Variants in ANKMY1 observed in about 807,000 individuals in gnomAD.
The protein encoded by ANKMY1 is ankyrin repeat and MYND domain-containing protein 1.
ANKMY1 carries 98 observed loss-of-function variants against 102.0 expected under a neutral mutation model. That is an observed-to-expected ratio of 0.96 (90% CI 0.82 to 1.14). The LOEUF is 1.14. Ranked by LOEUF, ANKMY1 falls within the 50% of genes most tolerant of loss-of-function variation. ANKMY1 has a pLI of 0.00. For synonymous variants in ANKMY1, 582 were observed against 559.9 expected (o/e 1.04, Z -0.56); for missense variants, 1,330 against 1,347.6 (o/e 0.99, Z 0.20).
intron 2 of ANKMY1, 30 bp downstream of exon 2, chr2:240,557,160 C>G: frequency 6.9e-7 from 1 of 1,439,630 alleles, no homozygotes; most frequent in Non-Finnish European, 9.2e-7. Flanking sequence ...AGGTCAGGGT[C>G]GGACCTCCCC....
chr2:240,515,072 G>A (rs910498096), intron 9 of ANKMY1, among the ~76,000 whole-genome samples: 6 of 152,216 alleles, frequency 3.9e-5, no homozygotes, highest in Admixed American at 1.3e-4. Flanking sequence ...AGAGACTATC[G>A]TAAAAGAGGT....
At position 240,524,078 on chromosome 2, in the gene ANKMY1, G is replaced by C. The variant is rs34088616; in HGVS notation, c.1639C>G (p.Arg547Gly). ...GLEDVLGNTD[R>G]GSLCSAETKF... Reference sequence around the variant, plus strand: ...GTCTCAGCACTGCACAGACTGCCCCGGTCTGTGTTTCCCAACACGTCCTCA... The same window carrying C: ...GTCTCAGCACTGCACAGACTGCCCCCGTCTGTGTTTCCCAACACGTCCTCA... The change falls in exon 8 of 18, where the codon CGG becomes GGG. Residue 547 changes from arginine (R) to glycine (G), a missense_variant. Arg to Gly is a moderately radical substitution (Grantham distance 125). Transcript: ENST00000401804. 3 of 1,613,900 alleles carry C rather than the reference G, an allele frequency of 1.9e-6. No individual in the cohort carries two copies. Among genetic ancestry groups the C allele is most frequent in the Non-Finnish European group, 2.5e-6 (3 of 1,180,052 alleles).
chr2:240,560,757 TCA>T (rs1329992374), upstream of ANKMY1: 1 of 1,489,718 alleles, frequency 6.7e-7, no homozygotes, highest in Admixed American at 2.4e-5. Context: ...CGTCGCGCCC[TCA>T]CTCTTCCTCG....
intron 3 of ANKMY1, chr2:240,554,604 A>T: frequency 4.6e-6 from 2 of 435,616 alleles, no homozygotes; most frequent in South Asian, 1.0e-4. Flanking sequence ...CATAATTTTA[A>T]AACGTCTGCC....
upstream of ANKMY1, chr2:240,560,924 G>C (rs754117685): frequency 2.0e-6 from 3 of 1,535,416 alleles, no homozygotes; most frequent in Admixed American, 2.0e-5. Context: ...ACCTGCTGGC[G>C]CACCTGGAGC....
At chr2:240,527,011 T>C (rs1472000434) in intron 5 of ANKMY1, 1 of 996,592 alleles carries the variant, frequency 1.0e-6, no homozygotes, top group African/African-American at 1.8e-5. Flanking sequence ...GCCCAGTTGA[T>C]GTCTGCATGA....
At chr2:240,544,351 C>T (rs549080176) in intron 4 of ANKMY1, among the ~76,000 whole-genome samples, 1 of 152,258 alleles carries the variant, frequency 6.6e-6, no homozygotes, top group Non-Finnish European at 1.5e-5. Context: ...TTTCCTGTTT[C>T]TCTGTGTATC....
chr2:240,499,102 G>A lies in ANKMY1; in HGVS notation c.2806+856C>T, dbSNP rs1013529734. Among the ~76,000 whole-genome samples the A allele has an allele frequency of 6.6e-6, 1 of 152,178 alleles. No homozygotes were observed. The highest frequency in any genetic ancestry group is 1.5e-5 in the Non-Finnish European group (1 of 68,026). ...AGCACTGTGTGCTGGGAAGGCACCT[G>A]GGGTGTTGCTCAGTGGGGGACTGTG... On this transcript the variant is annotated intron_variant, in intron 15 of 17. Transcript: ENST00000401804. This position sits in a 1 kb window ranked among gnomAD's most constrained non-coding sequence, Gnocchi z 4.2.
intron 4 of ANKMY1, chr2:240,532,003 T>A (rs1052346963): frequency 2.6e-6 from 1 of 382,054 alleles, no homozygotes; most frequent in Non-Finnish European, 5.5e-6. Context: ...ACATAGAGGG[T>A]ATTGTGAGTA....
downstream of ANKMY1, among the ~76,000 whole-genome samples, chr2:240,476,402 C>G (rs966910800): frequency 1.3e-5 from 2 of 152,202 alleles, no homozygotes; most frequent in African/African-American, 4.8e-5. Context: ...TCAAAAGATG[C>G]CAACTGTCTG....
intron 5 of ANKMY1, chr2:240,527,284 AG>A (rs2083749200): frequency 1.3e-4 from 1 of 7,504 alleles, no homozygotes; most frequent in African/African-American, 5.5e-4. Flanking sequence ...ATAGATGGAT[AG>A]ATGGGTAGGT....
intron 4 of ANKMY1, among the ~76,000 whole-genome samples, chr2:240,552,326 T>C (rs961457229): frequency 6.6e-6 from 1 of 152,178 alleles, no homozygotes; most frequent in Non-Finnish European, 1.5e-5. Flanking sequence ...GTTTTTTTTC[T>C]GTTGACACCA....
At chr2:240,501,282 G>A (rs867812711) in intron 13 of ANKMY1, among the ~76,000 whole-genome samples, 9 of 152,196 alleles carry the variant, frequency 5.9e-5, no homozygotes, top group African/African-American at 2.2e-4. Flanking sequence ...GTGTTTGTGA[G>A]TGAGTGCAAG....
chr2:240,470,558 A>G, the ANKMY1 span, among the ~76,000 whole-genome samples: 1 of 152,152 alleles, frequency 6.6e-6, no homozygotes, highest in African/African-American at 2.4e-5. Flanking sequence ...ATGAACAGGA[A>G]CCCTCATGGT....
chr2:240,503,057 C>A (rs1413367863), intron 13 of ANKMY1, among the ~76,000 whole-genome samples: 1 of 152,192 alleles, frequency 6.6e-6, no homozygotes, highest in Admixed American at 6.5e-5. Flanking sequence ...CTCTAGAAAC[C>A]AGCCCTGCCC....
At position 240,520,357 on chromosome 2, in the gene ANKMY1, C is replaced by T. The variant is rs1225712507; in HGVS notation, c.2004+5G>A. ...GTCCCGGCGCCCGCCCGCCGCGGCT[C>T]CTACCTGCGGCGGAAAGCAGATGTC... On this transcript the variant is annotated splice_donor_5th_base_variant and intron_variant, in intron 9 of 17. Coordinates refer to ENST00000401804, the MANE Select transcript of ANKMY1 (RefSeq NM_001282771.3). This position sits in a 1 kb window ranked among gnomAD's most constrained non-coding sequence, Gnocchi z 4.8. 1.3e-6 allele frequency: 2 copies of T among 1,540,208 alleles called. No individual in the cohort carries two copies. Among genetic ancestry groups the T allele is most frequent in the Non-Finnish European group, 1.8e-6 (2 of 1,140,426 alleles).
intron 15 of ANKMY1, among the ~76,000 whole-genome samples, chr2:240,497,314 A>G (rs2077394477): frequency 6.6e-6 from 1 of 152,218 alleles, no homozygotes; most frequent in African/African-American, 2.4e-5. Flanking sequence ...GTAAGTCTGA[A>G]GCAACAGGAA....
chr2:240,560,424 G>A, upstream of ANKMY1: 1 of 370,116 alleles, frequency 2.7e-6, no homozygotes, highest in Non-Finnish European at 4.6e-6. Flanking sequence ...AGAGAACATG[G>A]GACGCAGAGC....
At position 240,543,490 on chromosome 2, in the gene ANKMY1, C is replaced by T. The variant is rs529128567; in HGVS notation, c.480+9424G>A. On this transcript the variant is annotated intron_variant, in intron 4 of 17. Transcript: ENST00000401804. The stretch of plus-strand genomic sequence containing the variant: ...GGGTTTGGCACAGAAGGTTATAAAA[C>T]TATATACCCAGCCAAAACAAAATTA... 2.6e-5 allele frequency among the ~76,000 whole-genome samples: 4 copies of T among 152,116 alleles called. No individual in the cohort carries two copies. The South Asian group carries it at 8.3e-4, about 32-fold the overall frequency.
Sources: gnomAD v4.1 joint callset for allele counts (sites outside exome capture counted in the v4.1 genomes callset) on GRCh38, gnomAD v4.1.1 for gene constraint, Gnocchi (gnomAD v3.1) non-coding constraint, MANE v1.5 for transcripts, NCBI Gene and HGNC (gene_info 2026-07-23, HGNC 2026-07-21) for gene names.